The following MED23 variants were observed in gnomAD, a reference collection of about 807,000 sequenced individuals.
MED23 encodes mediator of RNA polymerase II transcription subunit 23.
Under a neutral mutation model 163.9 loss-of-function variants are expected in MED23, and 105 were observed. The observed-to-expected ratio is 0.64, with a 90% CI of 0.55 to 0.75. The LOEUF is 0.75. Ranked by LOEUF, MED23 falls within the 30% of genes least tolerant of loss-of-function variation. The pLI is 0.00. For missense variants in MED23, 1,054 were observed against 1,649.0 expected, an observed-to-expected ratio of 0.64 and a Z score of 6.25; for synonymous variants, 561 against 565.6, an observed-to-expected ratio of 0.99 and a Z score of 0.12.
downstream of MED23, chr6:131,584,066 C>T (rs1367079499): frequency 1.2e-6 from 1 of 827,218 alleles, no homozygotes; most frequent in Non-Finnish European, 1.8e-6. Context: ...GTGTAAAATT[C>T]AAGATGTGGA....
intron 10 of MED23, 143 bp downstream of exon 10, chr6:131,615,764 C>T: frequency 1.4e-6 from 1 of 692,274 alleles, no homozygotes; most frequent in Non-Finnish European, 2.6e-6. Flanking sequence ...AGGAATAATA[C>T]ATTGTTTAAA....
chr6:131,622,813 G>A (rs747580453), intron 5 of MED23, among the ~76,000 whole-genome samples: 41 of 152,150 alleles, frequency 2.7e-4, no homozygotes, highest in Non-Finnish European at 4.0e-4. Context: ...GGTAATTCCC[G>A]GGAAAAGGAC....
chr6:131,622,428 C>T (rs563937823), intron 5 of MED23, among the ~76,000 whole-genome samples: 2 of 152,256 alleles, frequency 1.3e-5, no homozygotes, highest in South Asian at 4.1e-4. Context: ...GCCTATTCTC[C>T]CTTCTCATCC....
chr6:131,598,672 C>T lies in MED23; in HGVS notation c.2310G>A (p.Met770Ile). ...VEEEYRKWKS[M>I]SNENDIITHF... Reference sequence around the variant, plus strand: ...GGGTAATAATGTCGTTTTCGTTGCTCATTGACTTCCACTTCCTATACTCCT... The same window carrying T: ...GGGTAATAATGTCGTTTTCGTTGCTTATTGACTTCCACTTCCTATACTCCT... The change falls in exon 19 of 29, where the codon ATG becomes ATA. Residue 770 changes from methionine (M) to isoleucine (I), a missense_variant. Physicochemically the swap from Met to Ile is conservative, Grantham distance 10. This residue lies in a region of MED23 where 228 missense variants were observed against 461.3 expected (regional missense o/e 0.49). Transcript: ENST00000368068. The surrounding 1 kb of genome is among the most constrained non-coding windows in gnomAD (Gnocchi z 4.7). 2 of 1,614,132 alleles carry T rather than the reference C, an allele frequency of 1.2e-6. No individual in the cohort carries two copies. The highest frequency in any genetic ancestry group is 1.7e-6 in the Non-Finnish European group (2 of 1,180,020).
chr6:131,583,818 G>C (rs532943866), downstream of MED23: 5 of 1,614,112 alleles, frequency 3.1e-6, no homozygotes, highest in Admixed American at 8.3e-5. Context: ...CTCGAACAGT[G>C]AACACAGCAG....
chr6:131,601,076 G>A (rs1050861045), intron 17 of MED23, among the ~76,000 whole-genome samples: 9 of 151,686 alleles, frequency 5.9e-5, no homozygotes, highest in African/African-American at 1.9e-4. Context: ...TTGAAAGAAC[G>A]TCTGACAGAA....
rs1318236497 is a variant in MED23, at chr6:131,587,075, A to G, written c.*604T>C. On this transcript the variant is annotated 3_prime_UTR_variant, in exon 29 of 29. Coordinates refer to ENST00000368068, the MANE Select transcript of MED23 (RefSeq NM_004830.4). Reference sequence around the variant, plus strand: ...AATTTTATACAGTAAGTTCAAGTCCATAGCAAAGGTAATAAAACTGCCAGT... The same window carrying G: ...AATTTTATACAGTAAGTTCAAGTCCGTAGCAAAGGTAATAAAACTGCCAGT... The G allele has an allele frequency of 1.4e-5, 18 of 1,325,096 alleles. No homozygotes were observed. The highest frequency in any genetic ancestry group is 1.7e-5 in the Non-Finnish European group (18 of 1,031,888). The allele number at this position is 1,325,096 out of a possible 1,614,324, so 82.1% of individuals were successfully genotyped here.
chr6:131,614,460 T>C (rs1187700032), intron 10 of MED23, among the ~76,000 whole-genome samples: 5 of 152,234 alleles, frequency 3.3e-5, no homozygotes, highest in South Asian at 2.1e-4. Flanking sequence ...TATTTTAATA[T>C]GTTGGGCTCA....
intron 11 of MED23, among the ~76,000 whole-genome samples, chr6:131,609,552 G>A (rs192521531): frequency 3.9e-5 from 5 of 126,886 alleles, no homozygotes; most frequent in Admixed American, 9.6e-5. Flanking sequence ...TCGCTCTGTC[G>A]CCGAGGCTGG....
Position 131,606,721 on chromosome 6 carries a change from T to C in MED23, c.1222-97A>G, listed in dbSNP as rs1325606344. 3.7e-6 allele frequency: 4 copies of C among 1,079,486 alleles called. No individual in the cohort carries two copies. In the African/African-American group the frequency reaches 6.3e-5, roughly 17 times the overall value. The allele number at this position is 1,079,486 out of a possible 1,614,324, so 66.9% of individuals were successfully genotyped here. Reference sequence around the variant, plus strand: ...TAATCAATTTCTAATATAACTCTTTTTAGCATATCATGTCTTACTTTAGCC... The same window carrying C: ...TAATCAATTTCTAATATAACTCTTTCTAGCATATCATGTCTTACTTTAGCC... On this transcript the variant is annotated intron_variant, in intron 12 of 28. Coordinates refer to ENST00000368068, the MANE Select transcript of MED23 (RefSeq NM_004830.4).
At chr6:131,577,146 C>T (rs772159835) in intron 30 of MED23, among the ~76,000 whole-genome samples, 5 of 152,088 alleles carry the variant, frequency 3.3e-5, no homozygotes, top group African/African-American at 7.2e-5. Context: ...CTAGTGTGGG[C>T]GCAGTGTGTA....
At chr6:131,592,938 T>G in intron 24 of MED23, 68 bp downstream of exon 24, 1 of 1,585,594 alleles carries the variant, frequency 6.3e-7, no homozygotes, top group Admixed American at 1.7e-5. Flanking sequence ...GTCTTAAAAG[T>G]TTGAAATAGA....
intron 22 of MED23, among the ~76,000 whole-genome samples, chr6:131,595,520 C>T (rs1426915777): frequency 2.0e-5 from 3 of 152,198 alleles, no homozygotes; most frequent in Non-Finnish European, 4.4e-5. Context: ...ATCTGTCTTT[C>T]CAATCTTATT....
intron 30 of MED23, chr6:131,581,439 G>T (rs1585420727): frequency 2.0e-6 from 3 of 1,523,998 alleles, no homozygotes; most frequent in Admixed American, 1.8e-5. Flanking sequence ...TTCAGGAGGT[G>T]GAAGGGAAAT....
At position 131,592,386 on chromosome 6, in the gene MED23, A is replaced by T; in HGVS notation, c.3471+2T>A. On this transcript the variant is annotated splice_donor_variant, in intron 25 of 28. Transcript: ENST00000368068. LOFTEE classifies it high-confidence loss of function. ...AAGTACAAATCACAATTATTAACTCACTGGTAGGGCAGTGATGATCAAACC... is the reference window on the plus strand; with the variant it reads ...AAGTACAAATCACAATTATTAACTCTCTGGTAGGGCAGTGATGATCAAACC... 6.2e-7 allele frequency: 1 copy of T among 1,613,282 alleles called. No homozygotes were observed.
intron 9 of MED23, among the ~76,000 whole-genome samples, chr6:131,617,795 AG>A (rs1300902855): frequency 3.3e-5 from 5 of 152,196 alleles, no homozygotes; most frequent in African/African-American, 1.2e-4. Context: ...AACAATTTAG[AG>A]GGACTGGTGC....
intron 3 of MED23, among the ~76,000 whole-genome samples, chr6:131,625,853 T>C (rs570291982): frequency 6.6e-6 from 1 of 152,072 alleles, no homozygotes; most frequent in African/African-American, 2.4e-5. Flanking sequence ...CCGGGCGCGG[T>C]GGCTCATGCC....
intron 30 of MED23, chr6:131,579,394 T>G: frequency 7.7e-7 from 1 of 1,296,350 alleles, no homozygotes; most frequent in Middle Eastern, 2.6e-4. Flanking sequence ...GACCTATATT[T>G]TATATCAAAT....
rs1481556327 is a variant in MED23, at chr6:131,619,349, G to A, written c.667+478C>T. Among the ~76,000 whole-genome samples, 10 of 152,226 alleles carry A rather than the reference G, an allele frequency of 6.6e-5. No homozygotes were observed. In the East Asian group the frequency reaches 1.9e-3, roughly 29 times the overall value. Reference sequence around the variant, plus strand: ...AGAAATAATTAAAGAGGATATGTGGGCACTGCAAAAATTGCCAAATCACAT... The same window carrying A: ...AGAAATAATTAAAGAGGATATGTGGACACTGCAAAAATTGCCAAATCACAT... On this transcript the variant is annotated intron_variant, in intron 8 of 28. Transcript: ENST00000368068.
Sources: gnomAD v4.1 joint callset for allele counts (sites outside exome capture counted in the v4.1 genomes callset) on GRCh38, gnomAD v4.1.1 for gene constraint, gnomAD v4.1.1 regional missense constraint, Gnocchi (gnomAD v3.1) non-coding constraint, MANE v1.5 for transcripts, NCBI Gene and HGNC (gene_info 2026-07-23, HGNC 2026-07-21) for gene names.